SPAG16: variants seen among roughly 807,000 people sequenced by gnomAD.
The protein encoded by SPAG16 is sperm-associated antigen 16 protein.
Under a neutral mutation model 80.4 loss-of-function variants are expected in SPAG16, and 86 were observed. The observed-to-expected ratio is 1.07, with a 90% CI of 0.90 to 1.28. The LOEUF is 1.28. Ranked by LOEUF, SPAG16 falls within the 50% of genes most tolerant of loss-of-function variation. SPAG16 has a pLI of 0.00. For missense variants in SPAG16, 870 were observed against 765.3 expected, an observed-to-expected ratio of 1.14 and a Z score of -1.61; for synonymous variants, 294 against 265.9, an observed-to-expected ratio of 1.11 and a Z score of -1.03.
intron 13 of SPAG16, 123 bp from the exon 14 acceptor site, chr2:214,108,073 T>G: frequency 1.8e-5 from 12 of 661,126 alleles, no homozygotes; most frequent in Non-Finnish European, 2.1e-5. Flanking sequence ...TTTTCTATGG[T>G]GAGAATGTAT....
At chr2:213,686,758 C>T (rs542652585) in intron 10 of SPAG16, among the ~76,000 whole-genome samples, 60 of 137,494 alleles carry the variant, frequency 4.4e-4, no homozygotes, top group African/African-American at 1.6e-3. Flanking sequence ...GCCGTCTCGG[C>T]TCACTGCAAC....
At position 213,605,634 on chromosome 2, in the gene SPAG16, C is replaced by T. The variant is rs1187554230; in HGVS notation, c.1070+115544C>T. On this transcript the variant is annotated intron_variant, in intron 10 of 15. Transcript: ENST00000331683. ...CTTGCAGAGTAGCTGGGACTACAGG[C>T]GCCTGCCACCACACCTGGCTAATTT... Among the ~76,000 whole-genome samples the T allele has an allele frequency of 3.9e-5, 6 of 152,166 alleles. 1 individual carries two copies. Among genetic ancestry groups the T allele is most frequent in the African/African-American group, 7.2e-5 (3 of 41,524 alleles).
At chr2:213,684,180 C>A (rs771240574) in intron 10 of SPAG16, among the ~76,000 whole-genome samples, 2 of 152,156 alleles carry the variant, frequency 1.3e-5, no homozygotes, top group East Asian at 3.9e-4. Flanking sequence ...TTAATTAACC[C>A]GAATTTGCTT....
intron 14 of SPAG16, among the ~76,000 whole-genome samples, chr2:214,143,341 T>C (rs2055468311): frequency 1.3e-5 from 2 of 151,610 alleles, no homozygotes; most frequent in Admixed American, 6.6e-5. Context: ...TGTTAGCTAT[T>C]ACTAGTTTTT....
At chr2:213,320,894 C>A (rs1575185327) in intron 5 of SPAG16, among the ~76,000 whole-genome samples, 1 of 151,918 alleles carries the variant, frequency 6.6e-6, no homozygotes. Context: ...AAAAAGTTTT[C>A]CGAACTACAT....
chr2:213,797,961 C>T (rs952722819), intron 10 of SPAG16, among the ~76,000 whole-genome samples: 2 of 152,198 alleles, frequency 1.3e-5, no homozygotes, highest in African/African-American at 4.8e-5. Flanking sequence ...TCCACCTTCT[C>T]TCATTCTCAT....
intron 15 of SPAG16, among the ~76,000 whole-genome samples, chr2:214,262,796 C>T (rs184359816): frequency 3.9e-5 from 6 of 152,098 alleles, no homozygotes; most frequent in Admixed American, 2.0e-4. Context: ...GGAATAATGA[C>T]GCATTGCTCT....
At chr2:214,125,503 G>A (rs1320782462) in intron 14 of SPAG16, among the ~76,000 whole-genome samples, 1 of 151,506 alleles carries the variant, frequency 6.6e-6, no homozygotes, top group East Asian at 1.9e-4. Flanking sequence ...AAATATGATT[G>A]TTTTACTAGT....
intron 15 of SPAG16, chr2:214,240,787 A>G (rs547582386): frequency 6.6e-6 from 1 of 152,318 alleles, no homozygotes; most frequent in East Asian, 1.9e-4. Flanking sequence ...TCTACTGAGC[A>G]TTTATTTTAT....
intron 10 of SPAG16, among the ~76,000 whole-genome samples, chr2:213,861,891 A>G (rs2075481899): frequency 6.6e-6 from 1 of 152,092 alleles, no homozygotes; most frequent in African/African-American, 2.4e-5. Flanking sequence ...TCATTACTGT[A>G]ATTTGTGTAC....
intron 9 of SPAG16, among the ~76,000 whole-genome samples, chr2:213,397,868 A>G (rs1275583160): frequency 1.3e-5 from 2 of 152,036 alleles, no homozygotes; most frequent in Non-Finnish European, 2.9e-5. Flanking sequence ...TTATCCCTTA[A>G]TTTACATCTT....
chr2:214,249,739 AAGTTT>A (rs148172521), intron 15 of SPAG16, among the ~76,000 whole-genome samples: 48,057 of 151,596 alleles, frequency 0.32, 7,751 homozygotes, highest in East Asian at 0.5. Flanking sequence ...TAGTAGTAAA[AAGTTT>A]AGTTCAAAGA....
intron 15 of SPAG16, among the ~76,000 whole-genome samples, chr2:214,335,776 T>TTA: frequency 1.1e-5 from 1 of 88,970 alleles, no homozygotes; most frequent in African/African-American, 3.1e-5. Flanking sequence ...TTTTTTTTTT[T>TTA]TGAGATGGAG....
At chr2:214,382,011 T>G (rs1700477922) in intron 15 of SPAG16, among the ~76,000 whole-genome samples, 1 of 152,220 alleles carries the variant, frequency 6.6e-6, no homozygotes, top group South Asian at 2.1e-4. Flanking sequence ...GATCCATAAA[T>G]TTATTTCCCT....
chr2:213,678,082 C>T (rs1367635659), intron 10 of SPAG16, among the ~76,000 whole-genome samples: 1 of 152,110 alleles, frequency 6.6e-6, no homozygotes, highest in East Asian at 1.9e-4. Flanking sequence ...AGAACAAAGA[C>T]ACAACATACC....
intron 9 of SPAG16, among the ~76,000 whole-genome samples, chr2:213,448,459 G>A (rs1255802120): frequency 6.6e-6 from 1 of 152,138 alleles, no homozygotes; most frequent in South Asian, 2.1e-4. Context: ...AGTCTATTGG[G>A]GGCCCCACTG....
intron 10 of SPAG16, among the ~76,000 whole-genome samples, chr2:213,558,337 CAT>C (rs1257556937): frequency 2.0e-5 from 3 of 152,118 alleles, no homozygotes; most frequent in Middle Eastern, 3.4e-3. Flanking sequence ...GGTAAGAAAT[CAT>C]ATGTTTCTAA....
intron 10 of SPAG16, among the ~76,000 whole-genome samples, chr2:213,724,731 A>C (rs1425896921): frequency 2.0e-5 from 3 of 148,230 alleles, no homozygotes; most frequent in African/African-American, 7.4e-5. Context: ...GAGCCGAAAA[A>C]GCACCACTGC....
At chr2:213,980,908 CA>C (rs979012232) in intron 12 of SPAG16, among the ~76,000 whole-genome samples, 6 of 148,194 alleles carry the variant, frequency 4.0e-5, no homozygotes, top group Non-Finnish European at 6.0e-5. Flanking sequence ...GACTCTGTCT[CA>C]AAAAAAAAGA....
Sources: gnomAD v4.1 joint callset for allele counts (sites outside exome capture counted in the v4.1 genomes callset) on GRCh38, gnomAD v4.1.1 for gene constraint, MANE v1.5 for transcripts, NCBI Gene and HGNC (gene_info 2026-07-23, HGNC 2026-07-21) for gene names.